The following GALNTL6 variants were observed in gnomAD, a reference collection of about 807,000 sequenced individuals.
GALNTL6 encodes polypeptide N-acetylgalactosaminyltransferase like 6.
A neutral mutation model predicts 73.7 loss-of-function variants in GALNTL6; 46 were observed. The observed-to-expected ratio is 0.62, with a 90% CI of 0.49 to 0.80. GALNTL6 has a LOEUF of 0.80. Among genes scored for constraint, GALNTL6 ranks in the 30% least tolerant of loss-of-function variants. The pLI, the probability that GALNTL6 is intolerant of heterozygous loss-of-function variation, is 0.00. For synonymous variants in GALNTL6, 259 were observed against 263.7 expected, an observed-to-expected ratio of 0.98 and a Z score of 0.17; for missense variants, 604 against 755.0, an observed-to-expected ratio of 0.80 and a Z score of 2.34.
intron 9 of GALNTL6, among the ~76,000 whole-genome samples, chr4:172,947,817 T>C (rs1167745557): frequency 6.6e-6 from 1 of 152,190 alleles, no homozygotes; most frequent in East Asian, 1.9e-4. Context: ...GTGGTATGCG[T>C]GCTCCTATAT....
intron 5 of GALNTL6, among the ~76,000 whole-genome samples, chr4:172,728,106 G>T (rs773367301): frequency 1.3e-5 from 2 of 152,116 alleles, no homozygotes; most frequent in South Asian, 2.1e-4. Context: ...TAGAGATGGG[G>T]TTTCACTGTG....
intron 7 of GALNTL6, among the ~76,000 whole-genome samples, chr4:172,829,685 A>G (rs761695320): frequency 7.2e-5 from 11 of 152,332 alleles, no homozygotes; most frequent in Non-Finnish European, 1.3e-4. Flanking sequence ...CATAGCCTTT[A>G]AGTAATAGAT....
chr4:172,841,861 A>G (rs1034100827), intron 7 of GALNTL6, among the ~76,000 whole-genome samples: 2 of 152,180 alleles, frequency 1.3e-5, no homozygotes, highest in African/African-American at 4.8e-5. Context: ...ATTCTCTAGC[A>G]TCCTAACAAA....
chr4:172,272,397 T>A (rs1038402013), intron 3 of GALNTL6, among the ~76,000 whole-genome samples: 15 of 152,262 alleles, frequency 9.9e-5, no homozygotes, highest in African/African-American at 3.4e-4. Flanking sequence ...CAAGTCTAGA[T>A]GGTATAGCGC....
At chr4:172,606,478 A>C (rs1738266712) in intron 5 of GALNTL6, among the ~76,000 whole-genome samples, 1 of 144,412 alleles carries the variant, frequency 6.9e-6, no homozygotes, top group South Asian at 2.1e-4. Context: ...AACAAAGAAA[A>C]CAAAAAAAAA....
In GALNTL6 at chr4:171,860,188, T is replaced by A. The variant is rs541574114; in HGVS notation, c.138+45470T>A. ...AGCCCTGTTCAAACATTACCTTAGG[T>A]TTTTTTCTCAACAAATACAATATTA... On this transcript the variant is annotated intron_variant, in intron 2 of 12. Coordinates refer to ENST00000506823, the MANE Select transcript of GALNTL6 (RefSeq NM_001034845.3). Among the ~76,000 whole-genome samples the A allele has an allele frequency of 2.0e-5, 3 of 152,284 alleles. No individual in the cohort carries two copies. The East Asian group carries it at 5.8e-4, about 29-fold the overall frequency.
chr4:171,828,071 C>A (rs1000760380), intron 2 of GALNTL6, among the ~76,000 whole-genome samples: 1 of 152,168 alleles, frequency 6.6e-6, no homozygotes, highest in Non-Finnish European at 1.5e-5. Context: ...TTATAATACA[C>A]TTACAGACCA....
intron 5 of GALNTL6, among the ~76,000 whole-genome samples, chr4:172,652,507 A>G (rs1191771324): frequency 6.6e-6 from 1 of 152,224 alleles, no homozygotes; most frequent in Non-Finnish European, 1.5e-5. Flanking sequence ...TGCCTTTAGA[A>G]TAAAAAGCAA....
At chr4:171,923,641 T>C (rs1578976066) in intron 2 of GALNTL6, among the ~76,000 whole-genome samples, 2 of 151,336 alleles carry the variant, frequency 1.3e-5, no homozygotes, top group East Asian at 2.0e-4. Context: ...CTCCTGACCT[T>C]GTGATCCACC....
At chr4:172,541,688 G>A (rs1466548547) in intron 5 of GALNTL6, among the ~76,000 whole-genome samples, 1 of 152,178 alleles carries the variant, frequency 6.6e-6, no homozygotes, top group Non-Finnish European at 1.5e-5. Context: ...CCTTGGGGTG[G>A]ACTGTCCGCA....
intron 9 of GALNTL6, among the ~76,000 whole-genome samples, chr4:172,935,149 G>T (rs1262430734): frequency 6.6e-6 from 1 of 152,184 alleles, no homozygotes; most frequent in East Asian, 1.9e-4. Context: ...TCCTTGGAGG[G>T]TCACCACGCC....
At chr4:172,204,125 T>C (rs1289033431) in intron 2 of GALNTL6, among the ~76,000 whole-genome samples, 1 of 152,168 alleles carries the variant, frequency 6.6e-6, no homozygotes, top group African/African-American at 2.4e-5. Context: ...TGAGACCTTA[T>C]ATTACTAGAA....
intron 2 of GALNTL6, among the ~76,000 whole-genome samples, chr4:172,138,477 C>CTATATATATATATATATATATATA (rs1414149880): frequency 1.2e-4 from 1 of 8,688 alleles, no homozygotes. Flanking sequence ...CTTGGACTGC[C>CTATATATATATATATATATATATA]TATATATATA....
chr4:172,572,676 CCTATTA>C (rs1273839628), intron 5 of GALNTL6, among the ~76,000 whole-genome samples: 1 of 152,126 alleles, frequency 6.6e-6, no homozygotes, highest in East Asian at 1.9e-4. Context: ...TTCCAAATGA[CCTATTA>C]CTTTCTGTGC....
chr4:172,553,686 A>C (rs773866138), intron 5 of GALNTL6, among the ~76,000 whole-genome samples: 1 of 152,174 alleles, frequency 6.6e-6, no homozygotes, highest in Non-Finnish European at 1.5e-5. Context: ...ATATATTATT[A>C]AATAGAATTT....
chr4:172,021,927 A>G (rs2110802349), intron 2 of GALNTL6, among the ~76,000 whole-genome samples: 1 of 152,158 alleles, frequency 6.6e-6, no homozygotes, highest in South Asian at 2.1e-4. Flanking sequence ...CCATAGGCAA[A>G]ACTCAAATCC....
chr4:172,023,718 A>G lies in GALNTL6; in HGVS notation c.139-205938A>G, dbSNP rs181184995. On this transcript the variant is annotated intron_variant, in intron 2 of 12. Coordinates refer to ENST00000506823, the MANE Select transcript of GALNTL6 (RefSeq NM_001034845.3). ...TAAATGATGCTGAGTCTCACATGCA[A>G]CAAAAATATATTTTTAAATATAGCT... Among the ~76,000 whole-genome samples the G allele has an allele frequency of 2.6e-5, 4 of 152,044 alleles. No individual in the cohort carries two copies. The East Asian group carries it at 7.7e-4, about 29-fold the overall frequency.
chr4:172,369,861 C>T (rs933056835), intron 5 of GALNTL6, among the ~76,000 whole-genome samples: 2 of 152,180 alleles, frequency 1.3e-5, no homozygotes, highest in Admixed American at 6.5e-5. Flanking sequence ...CCCTCCACAC[C>T]TCCCCACAAG....
In GALNTL6 at chr4:171,892,286, C is replaced by T. The variant is rs534399202; in HGVS notation, c.138+77568C>T. Among the ~76,000 whole-genome samples, 10 of 152,218 alleles carry T rather than the reference C, an allele frequency of 6.6e-5. No individual in the cohort carries two copies. The South Asian group carries it at 2.1e-3, about 32-fold the overall frequency. ...ATTCAGCCTGTGTATGTGGTGGTAT[C>T]CCCCATATATAGAGGATGGGGAAAG... On this transcript the variant is annotated intron_variant, in intron 2 of 12. Coordinates refer to ENST00000506823, the MANE Select transcript of GALNTL6 (RefSeq NM_001034845.3).
Sources: allele counts gnomAD v4.1 joint callset (sites outside exome capture counted in the v4.1 genomes callset), GRCh38; gene constraint gnomAD v4.1.1; transcripts MANE v1.5; gene names NCBI Gene and HGNC (gene_info 2026-07-23, HGNC 2026-07-21).